RAPGEF5: variants seen among roughly 807,000 people sequenced by gnomAD.
RAPGEF5 encodes the protein Rap guanine nucleotide exchange factor 5, also known as M-Ras-regulated GEF.
RAPGEF5 carries 65 observed loss-of-function variants against 125.2 expected under a neutral mutation model. The ratio of observed to expected loss-of-function variants is 0.52; its 90% CI spans 0.43 to 0.64. RAPGEF5 has a LOEUF of 0.64. RAPGEF5 is among the 30% of genes least tolerant of loss of function. The pLI, the probability that RAPGEF5 is intolerant of heterozygous loss-of-function variation, is 0.00. For missense variants in RAPGEF5, 958 were observed against 1,048.1 expected (o/e 0.91, Z 1.19); for synonymous variants, 391 against 385.9 (o/e 1.01, Z -0.16).
chr7:22,355,570 T>A (rs1784405901), intron 1 of RAPGEF5, among the ~76,000 whole-genome samples: 1 of 152,204 alleles, frequency 6.6e-6, no homozygotes, highest in African/African-American at 2.4e-5. Flanking sequence ...AGGTCACTTG[T>A]GGGCAATTCC....
intron 25 of RAPGEF5, among the ~76,000 whole-genome samples, chr7:22,123,558 AC>A (rs1214142963): frequency 1.3e-5 from 2 of 151,642 alleles, no homozygotes; most frequent in African/African-American, 4.9e-5. Flanking sequence ...TCTTGGTGAA[AC>A]CCCCTTTTTT....
intron 7 of RAPGEF5, among the ~76,000 whole-genome samples, chr7:22,247,173 C>T (rs563621491): frequency 5.3e-5 from 8 of 152,168 alleles, no homozygotes; most frequent in African/African-American, 1.7e-4. Flanking sequence ...AGTTTGAAGA[C>T]TTCTCAAAGA....
intron 7 of RAPGEF5, among the ~76,000 whole-genome samples, chr7:22,259,259 T>C (rs1782087355): frequency 1.3e-5 from 2 of 152,174 alleles, no homozygotes; most frequent in Admixed American, 6.5e-5. Context: ...CAACATCATA[T>C]GTCATTAGGG....
chr7:22,223,760 G>A (rs1227588428), intron 8 of RAPGEF5, among the ~76,000 whole-genome samples: 2 of 152,144 alleles, frequency 1.3e-5, no homozygotes, highest in East Asian at 1.9e-4. Flanking sequence ...TGGTGGTAGG[G>A]ACATGCAGAA....
intron 1 of RAPGEF5, among the ~76,000 whole-genome samples, chr7:22,332,550 C>A (rs1004522677): frequency 1.3e-5 from 2 of 152,190 alleles, no homozygotes; most frequent in African/African-American, 4.8e-5. Context: ...CCACTCTCAC[C>A]CACATTTCTG....
intron 1 of RAPGEF5, among the ~76,000 whole-genome samples, chr7:22,335,532 A>G (rs1309187748): frequency 6.6e-6 from 1 of 151,884 alleles, no homozygotes; most frequent in African/African-American, 2.4e-5. Context: ...GAGACCTGGC[A>G]CTGGGCAGGT....
chr7:22,233,466 C>A lies in RAPGEF5; in HGVS notation c.797-2547G>T, dbSNP rs1036929039. On this transcript the variant is annotated intron_variant, in intron 7 of 25. Transcript: ENST00000665637. Reference sequence around the variant, plus strand: ...ACAATGCTGTAGGGTGTAGGCATTTCTTTTTCTTACCTTATTATACTAGAA... The same window carrying A: ...ACAATGCTGTAGGGTGTAGGCATTTATTTTTCTTACCTTATTATACTAGAA... 3.9e-4 allele frequency among the ~76,000 whole-genome samples: 60 copies of A among 152,112 alleles called. 1 individual carries two copies. Among genetic ancestry groups the A allele is most frequent in the African/African-American group, 1.3e-3 (53 of 41,418 alleles).
intron 6 of RAPGEF5, among the ~76,000 whole-genome samples, chr7:22,284,711 T>G (rs928938836): frequency 6.6e-6 from 1 of 152,170 alleles, no homozygotes; most frequent in African/African-American, 2.4e-5. Context: ...CTTTTATTCT[T>G]TGAATAGCCA....
chr7:22,338,207 C>A (rs1042236439), intron 1 of RAPGEF5, among the ~76,000 whole-genome samples: 3 of 152,142 alleles, frequency 2.0e-5, no homozygotes, highest in African/African-American at 7.2e-5. Context: ...AGTTACAACC[C>A]AAATTATTAG....
At chr7:22,163,615 T>G (rs6949461) in intron 12 of RAPGEF5, among the ~76,000 whole-genome samples, 4 of 152,198 alleles carry the variant, frequency 2.6e-5, no homozygotes, top group African/African-American at 9.7e-5. Flanking sequence ...CATATGTAAA[T>G]TATGCTGTTA....
intron 6 of RAPGEF5, among the ~76,000 whole-genome samples, chr7:22,273,178 TC>T (rs1308036502): frequency 6.6e-6 from 1 of 151,788 alleles, no homozygotes; most frequent in Non-Finnish European, 1.5e-5. Flanking sequence ...AATGTATCTA[TC>T]CTTACTCATC....
At chr7:22,199,531 GAAAAAAAAAAAAAAAA>G (rs35024654) in intron 9 of RAPGEF5, among the ~76,000 whole-genome samples, 68 of 62,834 alleles carry the variant, frequency 1.1e-3, no homozygotes, top group Non-Finnish European at 1.7e-3. Flanking sequence ...CCTTAAAATT[GAAAAAAAAAAAAAAAA>G]AAAAAAAAAA....
intron 12 of RAPGEF5, 24 bp downstream of exon 12, chr7:22,167,046 C>A (rs368169045): frequency 6.3e-7 from 1 of 1,576,240 alleles, no homozygotes; most frequent in African/African-American, 1.3e-5. Context: ...GTGGACACAG[C>A]AGCCTGAAGA....
chr7:22,135,946 CA>C, intron 23 of RAPGEF5, 91 bp downstream of exon 23: 1 of 970,900 alleles, frequency 1.0e-6, no homozygotes, highest in South Asian at 1.7e-5. Context: ...TGTAAAGAGA[CA>C]AAATGAGAGT....
At chr7:22,214,606 A>T (rs1785588514) in intron 9 of RAPGEF5, among the ~76,000 whole-genome samples, 1 of 152,220 alleles carries the variant, frequency 6.6e-6, no homozygotes, top group Admixed American at 6.5e-5. Flanking sequence ...TTTTACTGAA[A>T]ATAAAATATG....
intron 21 of RAPGEF5, among the ~76,000 whole-genome samples, chr7:22,137,927 T>C (rs538116931): frequency 6.7e-4 from 102 of 152,058 alleles, no homozygotes; most frequent in Admixed American, 1.0e-3. Context: ...TATTTAGAGA[T>C]AGATTTTTTT....
Position 22,178,074 on chromosome 7 carries a change from T to C in RAPGEF5, c.1205-10926A>G, listed in dbSNP as rs540736579. Among the ~76,000 whole-genome samples the C allele has an allele frequency of 4.0e-3, 610 of 152,280 alleles. 2 individuals carry two copies. The highest frequency in any genetic ancestry group is 0.014 in the South Asian group (68 of 4,830). ...TGGACACCTGGCCATAGCAAATAGA[T>C]ACGAGATCAGCCAATTTGCTTTTCA... On this transcript the variant is annotated intron_variant, in intron 11 of 25. Coordinates refer to ENST00000665637, the MANE Select transcript of RAPGEF5 (RefSeq NM_012294.5).
intron 11 of RAPGEF5, among the ~76,000 whole-genome samples, chr7:22,174,750 AC>A (rs1359340469): frequency 2.0e-5 from 3 of 152,214 alleles, no homozygotes; most frequent in African/African-American, 7.2e-5. Flanking sequence ...ACCAGAAGTG[AC>A]AAGAGAGATA....
intron 7 of RAPGEF5, among the ~76,000 whole-genome samples, chr7:22,239,501 C>T (rs1786270570): frequency 6.6e-6 from 1 of 152,196 alleles, no homozygotes; most frequent in South Asian, 2.1e-4. Flanking sequence ...GCTCAGCACA[C>T]TTGACAAGGG....
Sources: allele counts gnomAD v4.1 joint callset (sites outside exome capture counted in the v4.1 genomes callset), GRCh38; gene constraint gnomAD v4.1.1; transcripts MANE v1.5; gene names NCBI Gene and HGNC (gene_info 2026-07-23, HGNC 2026-07-21).